Variants in HECW1 observed in about 807,000 individuals in gnomAD.
The protein encoded by HECW1 is HECT, C2 and WW domain containing E3 ubiquitin protein ligase 1.
A neutral mutation model predicts 182.3 loss-of-function variants in HECW1; 61 were observed. The observed-to-expected ratio is 0.33, with a 90% CI of 0.27 to 0.41. HECW1 has a LOEUF of 0.41. Among genes scored for constraint, HECW1 ranks in the 10% least tolerant of loss-of-function variants. The pLI is 1.00. For synonymous variants in HECW1, 859 were observed against 832.6 expected (o/e 1.03, Z -0.55); for missense variants, 1,739 against 2,108.9 (o/e 0.82, Z 3.44).
intron 17 of HECW1, 31 bp downstream of exon 17, chr7:43,479,775 C>G (rs1280613555): frequency 6.2e-7 from 1 of 1,612,486 alleles, no homozygotes; most frequent in Non-Finnish European, 8.5e-7. Context: ...CCCTACTGTT[C>G]ACCGGTCACA....
Position 43,547,830 on chromosome 7 carries a change from G to A in HECW1, c.4249-2615G>A, listed in dbSNP as rs368183835. Among the ~76,000 whole-genome samples, 21 of 152,240 alleles carry A rather than the reference G, an allele frequency of 1.4e-4. No individual in the cohort carries two copies. In the East Asian group the frequency reaches 2.7e-3, roughly 20 times the overall value. On this transcript the variant is annotated intron_variant, in intron 26 of 29. Coordinates refer to ENST00000395891, the MANE Select transcript of HECW1 (RefSeq NM_015052.5). The stretch of plus-strand genomic sequence containing the variant: ...TTTCCAGCATCATTAGTGGCCCTTC[G>A]TGTGGGTCCCACAATGTTATTCAAA...
intron 24 of HECW1, chr7:43,511,816 A>G (rs1171865371): frequency 1.1e-5 from 2 of 179,578 alleles, no homozygotes; most frequent in East Asian, 1.8e-4. Flanking sequence ...TTTGGCCAGC[A>G]TTTTAGCAAA....
At chr7:43,382,621 T>G in intron 6 of HECW1, among the ~76,000 whole-genome samples, 1 of 152,190 alleles carries the variant, frequency 6.6e-6, no homozygotes, top group East Asian at 1.9e-4. Flanking sequence ...TTTAAAGGAA[T>G]TTACTGACCC....
In HECW1 at chr7:43,323,896, C is replaced by T. The variant is rs150370085; in HGVS notation, c.460+3154C>T. On this transcript the variant is annotated intron_variant, in intron 5 of 29. Transcript: ENST00000395891. ...CTAAAATACAAAAATTAGCCAGGCA[C>T]GGTGGCATGAGCCTGTAGTCCCAGC... Among the ~76,000 whole-genome samples the T allele has an allele frequency of 3.4e-3, 511 of 151,872 alleles. 3 individuals are homozygous for T. The highest frequency in any genetic ancestry group is 0.011 in the African/African-American group (473 of 41,418).
intron 6 of HECW1, among the ~76,000 whole-genome samples, chr7:43,386,569 C>T (rs904667100): frequency 6.6e-6 from 1 of 152,202 alleles, no homozygotes; most frequent in Non-Finnish European, 1.5e-5. Context: ...CTAGATCCAG[C>T]GTGATGCCAA....
At chr7:43,126,273 A>G (rs993930351) in intron 2 of HECW1, among the ~76,000 whole-genome samples, 2 of 152,042 alleles carry the variant, frequency 1.3e-5, no homozygotes, top group African/African-American at 4.8e-5. Context: ...ACCACTAGAA[A>G]AATTCCTCTC....
intron 8 of HECW1, among the ~76,000 whole-genome samples, chr7:43,422,897 C>T (rs1425785809): frequency 6.6e-6 from 1 of 151,302 alleles, no homozygotes; most frequent in Non-Finnish European, 1.5e-5. Context: ...GGCCGAGAGT[C>T]GTCACCTGGA....
chr7:43,370,969 G>C (rs542311258), intron 6 of HECW1, among the ~76,000 whole-genome samples: 3 of 151,046 alleles, frequency 2.0e-5, no homozygotes, highest in South Asian at 4.2e-4. Context: ...CCCACTGCAA[G>C]CTCCACTTCC....
At chr7:43,449,995 T>A (rs1177078847) in intron 11 of HECW1, among the ~76,000 whole-genome samples, 1 of 152,192 alleles carries the variant, frequency 6.6e-6, no homozygotes, top group Admixed American at 6.5e-5. Flanking sequence ...CTGTTGTAGG[T>A]TTTCTTTTAA....
At chr7:43,248,873 AT>A (rs1799735366) in intron 3 of HECW1, 1 of 152,208 alleles carries the variant, frequency 6.6e-6, no homozygotes, top group South Asian at 2.1e-4. Context: ...ATCTGTGTGC[AT>A]GTGAGGCCAC....
In HECW1 at chr7:43,445,270, G is replaced by A. The variant is rs368768711; in HGVS notation, c.2098G>A (p.Ala700Thr). The A allele has an allele frequency of 3.7e-6, 6 of 1,612,646 alleles. No individual in the cohort carries two copies. The African/African-American group carries it at 5.3e-5, about 14-fold the overall frequency. The change falls in exon 11 of 30, where the codon GCC becomes ACC. Residue 700 changes from alanine to threonine, a missense_variant. By Grantham distance (58) the Ala-to-Thr change is moderately conservative. Transcript: ENST00000395891. ...TSCYSSSCYS[A>T]SCYSPSCYNG... ...CTGCTACAGCAGCTCGTGCTACAGC[G>A]CCTCGTGCTACAGCCCCTCCTGCTA...
intron 3 of HECW1, among the ~76,000 whole-genome samples, chr7:43,293,219 C>CAAAAAAAAAAAAAAAAAAAAAA (rs34748611): frequency 1.3e-5 from 1 of 76,586 alleles, no homozygotes; most frequent in African/African-American, 4.3e-5. Flanking sequence ...GACTATGTCT[C>CAAAAAAAAAAAAAAAAAAAAAA]AAAAAAAAAA....
intron 2 of HECW1, among the ~76,000 whole-genome samples, chr7:43,188,310 A>G (rs910652030): frequency 5.3e-5 from 8 of 152,210 alleles, no homozygotes; most frequent in African/African-American, 1.9e-4. Context: ...CACATTCTGA[A>G]CTGAAGACTC....
chr7:43,278,568 C>G (rs562414281), intron 3 of HECW1, among the ~76,000 whole-genome samples: 35 of 152,258 alleles, frequency 2.3e-4, no homozygotes, highest in African/African-American at 7.7e-4. Flanking sequence ...CCCAGAGCCC[C>G]AACCATGGCC....
intron 3 of HECW1, among the ~76,000 whole-genome samples, chr7:43,289,341 G>A (rs530349984): frequency 2.4e-4 from 37 of 152,206 alleles, no homozygotes; most frequent in African/African-American, 7.5e-4. Context: ...TCCTGACCTC[G>A]TGATCTGCCT....
chr7:43,466,339 C>T (rs1031037008), intron 14 of HECW1, 108 bp from the exon 15 acceptor site: 3 of 1,124,542 alleles, frequency 2.7e-6, no homozygotes, highest in Non-Finnish European at 3.9e-6. Context: ...ATCCAACAGT[C>T]TGCTGTGTGG....
chr7:43,252,127 C>G (rs1174418256), intron 3 of HECW1, among the ~76,000 whole-genome samples: 3 of 152,190 alleles, frequency 2.0e-5, no homozygotes, highest in Non-Finnish European at 4.4e-5. Context: ...TGCGAGCCCT[C>G]TACTCAGCAT....
intron 3 of HECW1, among the ~76,000 whole-genome samples, chr7:43,259,867 A>G (rs1450487679): frequency 9.9e-5 from 15 of 152,216 alleles, no homozygotes. Context: ...TCCTAGAATA[A>G]TGAGAGAGAG....
At chr7:43,195,161 G>C (rs1252158691) in intron 2 of HECW1, among the ~76,000 whole-genome samples, 2 of 152,176 alleles carry the variant, frequency 1.3e-5, no homozygotes, top group Admixed American at 1.3e-4. Flanking sequence ...AATAGCAATA[G>C]ATAACTGTCA....
Sources: gnomAD v4.1 joint callset for allele counts (sites outside exome capture counted in the v4.1 genomes callset) on GRCh38, gnomAD v4.1.1 for gene constraint, MANE v1.5 for transcripts, NCBI Gene and HGNC (gene_info 2026-07-23, HGNC 2026-07-21) for gene names.